Variants in PABPC4L observed in about 807,000 individuals in gnomAD.
The protein encoded by PABPC4L is polyadenylate-binding protein 4-like.
For synonymous variants in PABPC4L, 169 were observed against 164.1 expected (o/e 1.03, Z -0.23); for missense variants, 452 against 451.4 (o/e 1.00, Z -0.01).
At chr4:134,166,159 A>C in the PABPC4L span, among the ~76,000 whole-genome samples, 1 of 152,094 alleles carries the variant, frequency 6.6e-6, no homozygotes, top group Non-Finnish European at 1.5e-5. Context: ...GAGGATTAAA[A>C]ACCTACATAT....
chr4:133,958,838 C>G, the PABPC4L span, among the ~76,000 whole-genome samples: 2 of 152,170 alleles, frequency 1.3e-5, no homozygotes, highest in Non-Finnish European at 2.9e-5. Context: ...ATTATGGGAA[C>G]TACAATTCAA....
the PABPC4L span, among the ~76,000 whole-genome samples, chr4:134,140,934 C>T: frequency 2.6e-5 from 4 of 151,598 alleles, no homozygotes; most frequent in African/African-American, 9.7e-5. Flanking sequence ...TCTTAGGGCT[C>T]ATTCTGCTTC....
the PABPC4L span, among the ~76,000 whole-genome samples, chr4:134,164,464 A>C: frequency 6.6e-6 from 1 of 152,076 alleles, no homozygotes; most frequent in African/African-American, 2.4e-5. Context: ...ACAAATCGGT[A>C]GCACTGCTAT....
At chr4:134,012,281 A>G in the PABPC4L span, among the ~76,000 whole-genome samples, 1,086 of 152,214 alleles carry the variant, frequency 7.1e-3, 7 homozygotes, top group African/African-American at 0.025. Flanking sequence ...TCAGATGGCC[A>G]GTTCCTGACT....
chr4:134,046,693 G>C, the PABPC4L span, among the ~76,000 whole-genome samples: 2 of 152,134 alleles, frequency 1.3e-5, no homozygotes, highest in Non-Finnish European at 2.9e-5. Flanking sequence ...GCAGCTTTGC[G>C]CAGTGCATTG....
chr4:134,037,829 G>C, the PABPC4L span, among the ~76,000 whole-genome samples: 1 of 152,000 alleles, frequency 6.6e-6, no homozygotes. Context: ...TCTCTTGCCT[G>C]ATTGCCCTGG....
chr4:133,960,045 A>G, the PABPC4L span, among the ~76,000 whole-genome samples: 1 of 152,206 alleles, frequency 6.6e-6, no homozygotes, highest in Non-Finnish European at 1.5e-5. Context: ...TTTGGACAGA[A>G]GGATCATCAT....
At chr4:134,050,385 T>C in the PABPC4L span, among the ~76,000 whole-genome samples, 36 of 152,178 alleles carry the variant, frequency 2.4e-4, no homozygotes, top group Middle Eastern at 3.4e-3. Context: ...ATTTAAAGCA[T>C]GAATGGACAC....
the PABPC4L span, among the ~76,000 whole-genome samples, chr4:134,170,944 T>C: frequency 6.6e-6 from 1 of 152,156 alleles, no homozygotes; most frequent in South Asian, 2.1e-4. Flanking sequence ...AATTTGCATT[T>C]CCCCCAGCAG....
the PABPC4L span, among the ~76,000 whole-genome samples, chr4:134,073,927 G>A: frequency 6.6e-6 from 1 of 152,136 alleles, no homozygotes; most frequent in Non-Finnish European, 1.5e-5. Flanking sequence ...GGAGCCCTGG[G>A]TGTAGTCCAC....
chr4:133,989,852 C>A, the PABPC4L span, among the ~76,000 whole-genome samples: 19 of 152,248 alleles, frequency 1.2e-4, no homozygotes, highest in South Asian at 3.9e-3. Flanking sequence ...CACAATCCTG[C>A]AGGGCTGGGA....
At chr4:134,172,911 AC>A in the PABPC4L span, among the ~76,000 whole-genome samples, 2 of 151,958 alleles carry the variant, frequency 1.3e-5, no homozygotes, top group Non-Finnish European at 2.9e-5. Context: ...GTATGAGCAG[AC>A]ATTTCTTAAA....
the PABPC4L span, among the ~76,000 whole-genome samples, chr4:133,998,910 C>T: frequency 1.4e-4 from 22 of 152,040 alleles, no homozygotes; most frequent in East Asian, 2.7e-3. Flanking sequence ...GTAAACATTT[C>T]CCTCTGATGC....
At chr4:134,150,238 C>A in the PABPC4L span, among the ~76,000 whole-genome samples, 1 of 151,822 alleles carries the variant, frequency 6.6e-6, no homozygotes, top group Non-Finnish European at 1.5e-5. Flanking sequence ...CGCCCACCAC[C>A]ATGCTCGGCT....
chr4:134,177,011 A>G, the PABPC4L span, among the ~76,000 whole-genome samples: 1 of 152,104 alleles, frequency 6.6e-6, no homozygotes, highest in Non-Finnish European at 1.5e-5. Context: ...GACTTGGAGC[A>G]GTGAGATTGT....
chr4:134,125,957 G>A, the PABPC4L span, among the ~76,000 whole-genome samples: 10 of 152,058 alleles, frequency 6.6e-5, no homozygotes, highest in Non-Finnish European at 1.0e-4. Flanking sequence ...AGAACTGCAG[G>A]GTGTGGTGCC....
the PABPC4L span, among the ~76,000 whole-genome samples, chr4:134,024,660 A>C: frequency 6.6e-6 from 1 of 152,118 alleles, no homozygotes; most frequent in Non-Finnish European, 1.5e-5. Flanking sequence ...ATAGGCTTCA[A>C]AGAAATGAAT....
At position 134,198,999 on chromosome 4, in the gene PABPC4L, A is replaced by G. The variant is rs996551565; in HGVS notation, c.*908T>C. The G allele has an allele frequency of 6.6e-6, 1 of 152,030 alleles. No homozygotes were observed. The highest frequency in any genetic ancestry group is 2.4e-5 in the African/African-American group (1 of 41,440). The allele number at this position is 152,030 out of a possible 1,614,324, so 9.4% of individuals were successfully genotyped here. On this transcript the variant is annotated 3_prime_UTR_variant, in exon 2 of 2. Transcript: ENST00000421491. ...AGAAAATCACTACACAAAACAATATAAAAGAGATTTTAAAAGTTTTTAAAC... is the reference window on the plus strand; with the variant it reads ...AGAAAATCACTACACAAAACAATATGAAAGAGATTTTAAAAGTTTTTAAAC...
At chr4:134,062,168 A>G in the PABPC4L span, among the ~76,000 whole-genome samples, 1 of 151,806 alleles carries the variant, frequency 6.6e-6, no homozygotes, top group Non-Finnish European at 1.5e-5. Flanking sequence ...AGCACTATTT[A>G]TTTTATATAT....
Sources: allele counts gnomAD v4.1 joint callset (sites outside exome capture counted in the v4.1 genomes callset), GRCh38; gene constraint gnomAD v4.1.1; transcripts MANE v1.5; gene names NCBI Gene and HGNC (gene_info 2026-07-23, HGNC 2026-07-21).